The following MAGI2 variants were observed in gnomAD, a reference collection of about 807,000 sequenced individuals.
The protein encoded by MAGI2 is membrane-associated guanylate kinase, WW and PDZ domain-containing protein 2.
MAGI2 carries 35 observed loss-of-function variants against 133.3 expected under a neutral mutation model. The observed-to-expected ratio is 0.26, with a 90% CI of 0.20 to 0.35. The LOEUF (loss-of-function observed/expected upper bound fraction) is 0.35, where lower values mean the gene tolerates loss of function less well. Among genes scored for constraint, MAGI2 ranks in the 10% least tolerant of loss-of-function variants. MAGI2 has a pLI of 1.00. For synonymous variants in MAGI2, 729 were observed against 710.6 expected (o/e 1.03, Z -0.41); for missense variants, 1,636 against 1,863.4 (o/e 0.88, Z 2.25).
intron 9 of MAGI2, among the ~76,000 whole-genome samples, chr7:78,323,536 C>T (rs899852857): frequency 2.0e-5 from 3 of 152,158 alleles, no homozygotes; most frequent in Admixed American, 6.5e-5. Flanking sequence ...TTAGAAGCCT[C>T]AGAGACCAGC....
chr7:78,837,663 G>T (rs1791760254), intron 2 of MAGI2, among the ~76,000 whole-genome samples: 1 of 152,106 alleles, frequency 6.6e-6, no homozygotes, highest in African/African-American at 2.4e-5. Flanking sequence ...AGCTTTGGCA[G>T]CTGGTTGGGT....
intron 3 of MAGI2, among the ~76,000 whole-genome samples, chr7:78,586,822 C>A (rs1251809897): frequency 6.6e-6 from 1 of 152,198 alleles, no homozygotes; most frequent in African/African-American, 2.4e-5. Flanking sequence ...TAGAATCATA[C>A]AGTATTTGTC....
At chr7:78,715,636 G>A (rs893334505) in intron 2 of MAGI2, among the ~76,000 whole-genome samples, 7 of 152,098 alleles carry the variant, frequency 4.6e-5, no homozygotes, top group African/African-American at 1.4e-4. Context: ...TAACTAAAAA[G>A]CATAGAAGGG....
intron 9 of MAGI2, among the ~76,000 whole-genome samples, chr7:78,311,100 A>G (rs1238438639): frequency 6.6e-6 from 1 of 152,206 alleles, no homozygotes; most frequent in East Asian, 1.9e-4. Context: ...CTGATGAGAA[A>G]CCAAAGAGCT....
intron 3 of MAGI2, among the ~76,000 whole-genome samples, chr7:78,529,507 A>G (rs1797255487): frequency 6.6e-6 from 1 of 152,184 alleles, no homozygotes; most frequent in Non-Finnish European, 1.5e-5. Context: ...TAACTATAAC[A>G]TAAACTTTAA....
At chr7:79,312,753 T>G (rs1838385644) in intron 1 of MAGI2, among the ~76,000 whole-genome samples, 1 of 152,218 alleles carries the variant, frequency 6.6e-6, no homozygotes, top group Admixed American at 6.5e-5. Context: ...ATGAATGGCA[T>G]GAAGAGCACT....
intron 9 of MAGI2, among the ~76,000 whole-genome samples, chr7:78,273,507 C>T (rs1584664026): frequency 6.6e-6 from 1 of 152,280 alleles, no homozygotes; most frequent in East Asian, 1.9e-4. Flanking sequence ...GGAAGTTCTC[C>T]TGGATGATAT....
At chr7:78,957,307 T>G (rs1165665935) in intron 2 of MAGI2, among the ~76,000 whole-genome samples, 3 of 150,488 alleles carry the variant, frequency 2.0e-5, no homozygotes, top group Middle Eastern at 7.0e-3. Flanking sequence ...AAAAAAAAAT[T>G]TAGGAACCCC....
intron 1 of MAGI2, among the ~76,000 whole-genome samples, chr7:79,240,631 C>A (rs1373864382): frequency 1.3e-5 from 2 of 152,240 alleles, no homozygotes; most frequent in African/African-American, 2.4e-5. Flanking sequence ...TGTTAAATTA[C>A]AATTTTTGTC....
At chr7:78,436,412 G>C (rs1800293472) in intron 6 of MAGI2, among the ~76,000 whole-genome samples, 1 of 152,114 alleles carries the variant, frequency 6.6e-6, no homozygotes. Context: ...CCTTGCAACA[G>C]ACCTCTGTCC....
chr7:78,665,777 A>G (rs750610148), intron 2 of MAGI2, among the ~76,000 whole-genome samples: 1 of 152,166 alleles, frequency 6.6e-6, no homozygotes, highest in Non-Finnish European at 1.5e-5. Context: ...TATTGTGTTA[A>G]TTCATGTCTT....
rs1162943503 is a variant in MAGI2, at chr7:78,627,168, TA to T, written c.489del (p.Phe163LeufsTer11). 2 of 1,598,872 alleles carry T rather than the reference TA, an allele frequency of 1.3e-6. No homozygotes were observed. On this transcript the variant is annotated frameshift_variant, in exon 3 of 22. Coordinates refer to ENST00000354212, the MANE Select transcript of MAGI2 (RefSeq NM_012301.4). LOFTEE classifies it high-confidence loss of function. ...VDYIFITVED[F>X]MELEKSGALL... ...AGAGCACCACTTTTCTCCAATTCCA[TA>T]AAATCTTCAACAGTGATGAAAATAT...
At chr7:78,712,748 C>T (rs1262011355) in intron 2 of MAGI2, among the ~76,000 whole-genome samples, 1 of 152,084 alleles carries the variant, frequency 6.6e-6, no homozygotes, top group Non-Finnish European at 1.5e-5. Context: ...TCTTTAATAA[C>T]TTCTACTGTT....
intron 2 of MAGI2, among the ~76,000 whole-genome samples, chr7:78,853,325 A>ATTGTCCATTCGTTCTTT (rs1554587298): frequency 8.0e-4 from 68 of 84,712 alleles, no homozygotes; most frequent in African/African-American, 3.1e-3. Context: ...ACTCTTGTCC[A>ATTGTCCATTCGTTCTTT]TTCGTTCTTT....
chr7:79,260,985 T>G (rs1165343860), intron 1 of MAGI2, among the ~76,000 whole-genome samples: 5 of 152,172 alleles, frequency 3.3e-5, no homozygotes, highest in Non-Finnish European at 7.3e-5. Flanking sequence ...CTCCTCAAAT[T>G]GCTTATATTC....
At chr7:78,966,420 T>A (rs933177217) in intron 2 of MAGI2, among the ~76,000 whole-genome samples, 11 of 152,116 alleles carry the variant, frequency 7.2e-5, no homozygotes, top group African/African-American at 2.7e-4. Flanking sequence ...GTAAGTGAAA[T>A]CATGCAGCAT....
chr7:78,295,449 G>A (rs975630640), intron 9 of MAGI2, among the ~76,000 whole-genome samples: 2 of 152,066 alleles, frequency 1.3e-5, no homozygotes, highest in Non-Finnish European at 2.9e-5. Context: ...CCTCTATTAA[G>A]TTTAAAAGAA....
At chr7:79,037,063 CA>C (rs1811195114) in intron 1 of MAGI2, among the ~76,000 whole-genome samples, 1 of 152,108 alleles carries the variant, frequency 6.6e-6, no homozygotes, top group East Asian at 1.9e-4. Context: ...GACATTTGGC[CA>C]GAGCTGAAAA....
intron 6 of MAGI2, among the ~76,000 whole-genome samples, chr7:78,429,708 T>C (rs1219822957): frequency 6.6e-6 from 1 of 151,846 alleles, no homozygotes; most frequent in Non-Finnish European, 1.5e-5. Flanking sequence ...TGACTATACC[T>C]AATAATACTT....
Sources: gnomAD v4.1 joint callset for allele counts (sites outside exome capture counted in the v4.1 genomes callset) on GRCh38, gnomAD v4.1.1 for gene constraint, MANE v1.5 for transcripts, NCBI Gene and HGNC (gene_info 2026-07-23, HGNC 2026-07-21) for gene names.